ADGRL2: variants seen among roughly 807,000 people sequenced by gnomAD.
The protein encoded by ADGRL2 is adhesion G protein-coupled receptor L2.
Under a neutral mutation model 157.4 loss-of-function variants are expected in ADGRL2, and 44 were observed. That is an observed-to-expected ratio of 0.28 (90% CI 0.22 to 0.36). The LOEUF (loss-of-function observed/expected upper bound fraction) is 0.36, where lower values mean the gene tolerates loss of function less well. Among genes scored for constraint, ADGRL2 ranks in the 10% least tolerant of loss-of-function variants. ADGRL2 has a pLI of 1.00. For missense variants in ADGRL2, 1,510 were observed against 1,768.9 expected, an observed-to-expected ratio of 0.85 and a Z score of 2.63; for synonymous variants, 585 against 624.7, an observed-to-expected ratio of 0.94 and a Z score of 0.95.
chr1:81,502,765 C>G (rs1026335437), intron 2 of ADGRL2: 8 of 1,613,282 alleles, frequency 5.0e-6, no homozygotes, highest in Admixed American at 3.3e-5. Context: ...CAGGGAGAGC[C>G]GGCGGCCCAG....
intron 3 of ADGRL2, among the ~76,000 whole-genome samples, chr1:81,611,523 C>T (rs577275248): frequency 1.3e-5 from 2 of 152,334 alleles, no homozygotes; most frequent in Non-Finnish European, 2.9e-5. Flanking sequence ...CTCACTGAGA[C>T]TACTATGTGT....
chr1:81,472,065 A>C (rs2078183253), intron 2 of ADGRL2, among the ~76,000 whole-genome samples: 1 of 152,246 alleles, frequency 6.6e-6, no homozygotes, highest in Non-Finnish European at 1.5e-5. Context: ...CCATACCAGT[A>C]CAGAGAAATG....
intron 1 of ADGRL2, among the ~76,000 whole-genome samples, chr1:81,725,007 C>T (rs1446867550): frequency 1.3e-5 from 2 of 151,534 alleles, no homozygotes; most frequent in Non-Finnish European, 2.9e-5. Context: ...AGTTTGAGAC[C>T]AGCCTGGCCA....
rs1416783254 is a variant in ADGRL2 at position 81,373,245 on chromosome 1, A to G, written c.-302+66736A>G. On this transcript the variant is annotated intron_variant, in intron 1 of 24. Transcript: ENST00000370721. ...ATTGTTCCTGCTTTAGTCCTCTAAG[A>G]TGGAGATAATTAATAACTCCTGATC... Among the ~76,000 whole-genome samples the G allele has an allele frequency of 2.6e-5, 4 of 152,208 alleles. No homozygotes were observed. In the East Asian group the frequency reaches 7.7e-4, roughly 29 times the overall value.
Position 81,837,112 on chromosome 1 carries a change from A to G in ADGRL2, c.73+55A>G, listed in dbSNP as rs2092321861. 9.7e-6 allele frequency: 9 copies of G among 926,490 alleles called. No individual in the cohort carries two copies. In the South Asian group the frequency reaches 1.5e-4, roughly 15 times the overall value. The allele number at this position is 926,490 out of a possible 1,614,324, so 57.4% of individuals were successfully genotyped here. A position where few individuals can be genotyped will look rare whatever the true frequency, so the allele number is the denominator to read the frequency against. On this transcript the variant is annotated intron_variant, in intron 2 of 23. Transcript: ENST00000686636. ...AATCCAGGAGAACTTGAACTATACA[A>G]TCTTCTTAATATGGAAGTGCCTAGA...
rs187675015 is a variant in ADGRL2, at chr1:81,786,483, T to A, written c.-101+24631T>A. Among the ~76,000 whole-genome samples, 295 of 151,974 alleles carry A rather than the reference T, an allele frequency of 1.9e-3. 2 individuals carry two copies. Among genetic ancestry groups the A allele is most frequent in the African/African-American group, 6.9e-3 (288 of 41,458 alleles). ...CCCAGCTAGTCATGAGGCTGAGGCA[T>A]GAAAATCACTTGAACCTGAGAGGCA... On this transcript the variant is annotated intron_variant, in intron 2 of 20. Transcript: ENST00000359929.
chr1:81,461,658 A>G (rs1200712669), intron 2 of ADGRL2, among the ~76,000 whole-genome samples: 2 of 152,184 alleles, frequency 1.3e-5, no homozygotes, highest in Admixed American at 1.3e-4. Context: ...ATATCTATAC[A>G]TACTTCAGAG....
At chr1:81,315,484 C>T (rs1480872736) in intron 1 of ADGRL2, among the ~76,000 whole-genome samples, 4 of 152,088 alleles carry the variant, frequency 2.6e-5, no homozygotes, top group Non-Finnish European at 5.9e-5. Context: ...ACAATTTTAT[C>T]TCCAAAATAA....
At chr1:81,986,583 T>C (rs1001287138) in intron 21 of ADGRL2, among the ~76,000 whole-genome samples, 3 of 152,110 alleles carry the variant, frequency 2.0e-5, no homozygotes, top group Non-Finnish European at 2.9e-5. Flanking sequence ...TGAAACATAA[T>C]GTTGATCTCT....
intron 23 of ADGRL2, chr1:81,988,468 T>C (rs1242486171): frequency 6.6e-6 from 1 of 151,952 alleles, no homozygotes; most frequent in Non-Finnish European, 1.5e-5. Flanking sequence ...CGAAATGGTT[T>C]TTTTTTTAAT....
chr1:81,607,770 T>C (rs2081464075), intron 3 of ADGRL2, among the ~76,000 whole-genome samples: 1 of 152,188 alleles, frequency 6.6e-6, no homozygotes, highest in Non-Finnish European at 1.5e-5. Context: ...TGACATTTAG[T>C]TAATTAAAGA....
intron 3 of ADGRL2, among the ~76,000 whole-genome samples, chr1:81,624,550 AC>A (rs58742441): frequency 0.13 from 19,113 of 150,368 alleles, 1,659 homozygotes; most frequent in Non-Finnish European, 0.18. Flanking sequence ...CCACTGCCCC[AC>A]CCCCCCCAAA....
chr1:81,562,033 C>T (rs1223205273), intron 2 of ADGRL2, among the ~76,000 whole-genome samples: 1 of 152,116 alleles, frequency 6.6e-6, no homozygotes, highest in African/African-American at 2.4e-5. Flanking sequence ...TACTTTAAAA[C>T]TCTAATTTTT....
At chr1:81,354,665 C>G (rs955679436) in intron 1 of ADGRL2, among the ~76,000 whole-genome samples, 2 of 152,206 alleles carry the variant, frequency 1.3e-5, no homozygotes, top group African/African-American at 4.8e-5. Flanking sequence ...CTCATGCATT[C>G]ATGTGTGCCG....
intron 11 of ADGRL2, among the ~76,000 whole-genome samples, chr1:81,964,939 T>G (rs1656602827): frequency 6.6e-6 from 1 of 152,164 alleles, no homozygotes; most frequent in South Asian, 2.1e-4. Flanking sequence ...GCAATGTACT[T>G]TTCCATTCCT....
At chr1:81,594,063 AT>A (rs2081184612) in intron 3 of ADGRL2, among the ~76,000 whole-genome samples, 1 of 152,234 alleles carries the variant, frequency 6.6e-6, no homozygotes, top group African/African-American at 2.4e-5. Context: ...TCAGGAGAGT[AT>A]AAGCTTCCAA....
Position 81,969,210 on chromosome 1 carries a change from A to G in ADGRL2, c.2556A>G (p.Thr852=). The change falls in exon 15 of 24, where the codon ACA becomes ACG. Residue 852 remains threonine (T), a synonymous_variant. Transcript: ENST00000686636. ...ATGGCGTTCATGAATTACTTCTTAC[A>G]GTCATCACCTGGGTGGGAATTGTCA... is the stretch of plus-strand genomic sequence containing the variant. ...YKDGVHELLL[T]VITWVGIVIS... The G allele has an allele frequency of 6.2e-7, 1 of 1,613,904 alleles. No homozygotes were observed. The highest frequency in any genetic ancestry group is 8.5e-7 in the Non-Finnish European group (1 of 1,179,846).
chr1:81,400,890 T>C (rs1242554375), intron 1 of ADGRL2, among the ~76,000 whole-genome samples: 1 of 152,152 alleles, frequency 6.6e-6, no homozygotes, highest in Admixed American at 6.5e-5. Context: ...GCCAGGGCTC[T>C]GTTTCCCAGG....
chr1:81,681,481 G>A (rs1353353519), intron 3 of ADGRL2, among the ~76,000 whole-genome samples: 1 of 152,164 alleles, frequency 6.6e-6, no homozygotes, highest in Non-Finnish European at 1.5e-5. Context: ...ATTTCCTATC[G>A]GATGTATCAG....
Sources: gnomAD v4.1 joint callset for allele counts (sites outside exome capture counted in the v4.1 genomes callset) on GRCh38, gnomAD v4.1.1 for gene constraint, MANE v1.5 for transcripts, NCBI Gene and HGNC (gene_info 2026-07-23, HGNC 2026-07-21) for gene names.